Variants in UGT2A2 observed in about 807,000 individuals in gnomAD.
The protein encoded by UGT2A2 is UDP-glucuronosyltransferase 2A2.
A neutral mutation model predicts 50.7 loss-of-function variants in UGT2A2; 60 were observed. The observed-to-expected ratio is 1.18, with a 90% CI of 0.96 to 1.47. The LOEUF (loss-of-function observed/expected upper bound fraction) is 1.47, where lower values mean the gene tolerates loss of function less well. Ranked by LOEUF, UGT2A2 falls within the 40% of genes most tolerant of loss-of-function variation. The pLI, the probability that UGT2A2 is intolerant of heterozygous loss-of-function variation, is 0.00. For synonymous variants in UGT2A2, 242 were observed against 214.6 expected, an observed-to-expected ratio of 1.13 and a Z score of -1.11; for missense variants, 762 against 634.0, an observed-to-expected ratio of 1.20 and a Z score of -2.17.
In UGT2A2 at chr4:69,599,414, T is replaced by G; in HGVS notation, c.743-20A>C. 6.2e-7 allele frequency: 1 copy of G among 1,610,206 alleles called. No homozygotes were observed. Among genetic ancestry groups the G allele is most frequent in the Non-Finnish European group, 8.5e-7 (1 of 1,179,084 alleles). ...GTCTTCCTGGAGAAAATGTAACAAG[T>G]TGGATGGAGGAAATTAGCTTATATG... is the stretch of plus-strand genomic sequence containing the variant. On this transcript the variant is annotated intron_variant, in intron 1 of 5. Transcript: ENST00000604629.
intron 3 of UGT2A2, among the ~76,000 whole-genome samples, chr4:69,595,847 A>C (rs933314881): frequency 7.2e-5 from 11 of 152,164 alleles, no homozygotes; most frequent in African/African-American, 2.4e-4. Flanking sequence ...TAGACATTCG[A>C]ATTATATTTT....
rs564650952 is a variant in UGT2A2 at position 69,637,096 on chromosome 4, T to A, written c.742+1803A>T. 4.6e-5 allele frequency among the ~76,000 whole-genome samples: 7 copies of A among 152,272 alleles called. 1 individual carries two copies. Among genetic ancestry groups the A allele is most frequent in the African/African-American group, 1.4e-4 (6 of 41,560 alleles). ...TTTCAAATGTCTTGAGACATACTCA[T>A]GTGAATTATACCCAAATTAAAAGAA... On this transcript the variant is annotated intron_variant, in intron 1 of 5. Transcript: ENST00000604629.
chr4:69,623,068 T>G (rs11249453), intron 1 of UGT2A2, among the ~76,000 whole-genome samples: 41,320 of 151,702 alleles, frequency 0.27, 5,876 homozygotes, highest in South Asian at 0.32. Flanking sequence ...CTTCTGTTAC[T>G]GAAGGCAATA....
intron 1 of UGT2A2, among the ~76,000 whole-genome samples, chr4:69,637,928 CAGGAAGGA>C (rs989226820): frequency 8.5e-6 from 1 of 117,080 alleles, no homozygotes; most frequent in African/African-American, 3.6e-5. Flanking sequence ...GGCAGGCAGG[CAGGAAGGA>C]AGGAAGGAAA....
At chr4:69,607,362 C>T (rs1418563893) in intron 1 of UGT2A2, among the ~76,000 whole-genome samples, 4 of 151,264 alleles carry the variant, frequency 2.6e-5, no homozygotes, top group Non-Finnish European at 4.4e-5. Context: ...AACTGGCTAG[C>T]CATATGTAGA....
intron 1 of UGT2A2, among the ~76,000 whole-genome samples, chr4:69,606,077 T>C (rs1189739823): frequency 1.5e-5 from 2 of 134,444 alleles, no homozygotes; most frequent in Non-Finnish European, 3.2e-5. Flanking sequence ...ATTTTATGAG[T>C]CCAGCATCAT....
intron 5 of UGT2A2, 90 bp downstream of exon 5, chr4:69,594,387 A>G (rs1718781817): frequency 2.7e-6 from 4 of 1,489,768 alleles, no homozygotes; most frequent in Non-Finnish European, 3.6e-6. Context: ...ATTGGAAAAT[A>G]ATTACAAAAG....
At position 69,599,384 on chromosome 4, in the gene UGT2A2, A is replaced by T; in HGVS notation, c.753T>A (p.Thr251=). 6.2e-7 allele frequency: 1 copy of T among 1,613,276 alleles called. No individual in the cohort carries two copies. The highest frequency in any genetic ancestry group is 8.5e-7 in the Non-Finnish European group (1 of 1,179,746). Residue 251 remains threonine, a synonymous_variant, in exon 2 of 6, where the codon ACT becomes ACA. Transcript: ENST00000604629. ...CTTTCCCCATAGTCTCACATAACGTAGTGGGTCTTCCTGGAGAAAATGTAA... is the reference window on the plus strand; with the variant it reads ...CTTTCCCCATAGTCTCACATAACGTTGTGGGTCTTCCTGGAGAAAATGTAA... The part of the protein sequence containing the change: ...SYYSKILGRP[T]TLCETMGKAE...
chr4:69,621,649 G>A (rs1720763727), intron 1 of UGT2A2, among the ~76,000 whole-genome samples: 1 of 151,844 alleles, frequency 6.6e-6, no homozygotes, highest in Non-Finnish European at 1.5e-5. Flanking sequence ...TCCCATTCCT[G>A]GGTATACACC....
At chr4:69,634,200 G>C (rs564846348) in intron 1 of UGT2A2, among the ~76,000 whole-genome samples, 1 of 151,958 alleles carries the variant, frequency 6.6e-6, no homozygotes. Context: ...AGCCGAGATC[G>C]CGCCACTGCA....
chr4:69,594,782 A>C, intron 4 of UGT2A2, 86 bp from the exon 5 acceptor site: 1 of 1,443,522 alleles, frequency 6.9e-7, no homozygotes, highest in East Asian at 2.5e-5. Context: ...AAAAGCTGTA[A>C]TGTAACTCTC....
At position 69,596,347 on chromosome 4, in the gene UGT2A2, T is replaced by C. The variant is rs767769951; in HGVS notation, c.926A>G (p.Asn309Ser). 5 of 1,604,868 alleles carry C rather than the reference T, an allele frequency of 3.1e-6. No homozygotes were observed. The South Asian group carries it at 5.6e-5, about 18-fold the overall frequency. Residue 309 changes from asparagine (N) to serine (S), a missense_variant, in exon 3 of 6, where the codon AAT becomes AGT. Coordinates refer to ENST00000604629, the MANE Select transcript of UGT2A2 (RefSeq NM_001105677.2). ...MEEFIQSSGK[N>S]GVVVFSLGSM... ...TCCCAGAGAAAACACCACAACACCA[T>C]TTTTACCTGAGCTCTGGATAAATTC...
rs540464361 is a variant in UGT2A2 at position 69,595,351 on chromosome 4, G to A, written c.1024-102C>T. 1,030 of 1,345,410 alleles carry A rather than the reference G, an allele frequency of 7.7e-4. 2 individuals are homozygous for A. Among genetic ancestry groups the A allele is most frequent in the Non-Finnish European group, 9.6e-4 (923 of 966,052 alleles). 83.3% of individuals were successfully genotyped at this position (1,345,410 alleles called of 1,614,324 possible). On this transcript the variant is annotated intron_variant, in intron 3 of 5. Coordinates refer to ENST00000604629, the MANE Select transcript of UGT2A2 (RefSeq NM_001105677.2). ...TCATTTAGCCAGCTACTTGGAAGAC[G>A]GGAATTACATAAGCAGTAGTTTACA...
At position 69,596,317 on chromosome 4, in the gene UGT2A2, A is replaced by G. The variant is rs1560467962; in HGVS notation, c.956T>C (p.Met319Thr). 6 of 1,608,982 alleles carry G rather than the reference A, an allele frequency of 3.7e-6. No homozygotes were observed. The highest frequency in any genetic ancestry group is 2.2e-5 in the East Asian group (1 of 44,612). ...CTTTTCTTCTGTAAGGTTTTTGACCATTGATCCCAGAGAAAACACCACAAC... is the reference window on the plus strand; with the variant it reads ...CTTTTCTTCTGTAAGGTTTTTGACCGTTGATCCCAGAGAAAACACCACAAC... ...NGVVVFSLGS[M>T]VKNLTEEKAN... The change falls in exon 3 of 6, where the codon ATG (methionine) becomes ACG (threonine). Residue 319 changes from methionine to threonine, a missense_variant. Physicochemically the swap from Met to Thr is moderately conservative, Grantham distance 81 (BLOSUM62 -1). Transcript: ENST00000604629.
intron 1 of UGT2A2, among the ~76,000 whole-genome samples, chr4:69,615,185 CA>C (rs889254649): frequency 3.3e-5 from 5 of 152,030 alleles, no homozygotes; most frequent in Non-Finnish European, 7.4e-5. Flanking sequence ...TCACCATACA[CA>C]AAAATCAAAT....
intron 1 of UGT2A2, among the ~76,000 whole-genome samples, chr4:69,616,449 A>G (rs984998285): frequency 3.3e-5 from 5 of 152,004 alleles, no homozygotes; most frequent in African/African-American, 1.2e-4. Context: ...TGATTTGATC[A>G]TTACACATTT....
chr4:69,617,858 A>G (rs1008453834), intron 1 of UGT2A2, among the ~76,000 whole-genome samples: 3 of 151,944 alleles, frequency 2.0e-5, no homozygotes, highest in Non-Finnish European at 4.4e-5. Context: ...TGTCTTATGT[A>G]AAAATCTTCA....
At chr4:69,591,165 G>T (rs1267019565) in intron 5 of UGT2A2, among the ~76,000 whole-genome samples, 1 of 152,090 alleles carries the variant, frequency 6.6e-6, no homozygotes, top group Non-Finnish European at 1.5e-5. Flanking sequence ...AATATTTGAA[G>T]ATATTTATTT....
intron 2 of UGT2A2, among the ~76,000 whole-genome samples, chr4:69,598,674 G>A (rs1486859564): frequency 6.6e-6 from 1 of 151,906 alleles, no homozygotes; most frequent in Non-Finnish European, 1.5e-5. Flanking sequence ...CAGTAAATAG[G>A]TCAGAAACTA....
Sources: allele counts gnomAD v4.1 joint callset (sites outside exome capture counted in the v4.1 genomes callset), GRCh38; gene constraint gnomAD v4.1.1; transcripts MANE v1.5; gene names NCBI Gene and HGNC (gene_info 2026-07-23, HGNC 2026-07-21).